CSAD: variants seen among roughly 807,000 people sequenced by gnomAD.
CSAD encodes P-selectin cytoplasmic tail-associated protein.
CSAD carries 47 observed loss-of-function variants against 61.5 expected under a neutral mutation model. That is an observed-to-expected ratio of 0.76 (90% CI 0.60 to 0.97). The LOEUF is 0.97. CSAD is among the 50% of genes least tolerant of loss of function. The pLI, the probability that CSAD is intolerant of heterozygous loss-of-function variation, is 0.00. For synonymous variants in CSAD, 245 were observed against 252.7 expected, an observed-to-expected ratio of 0.97 and a Z score of 0.29; for missense variants, 611 against 643.6, an observed-to-expected ratio of 0.95 and a Z score of 0.55.
intron 2 of CSAD, among the ~76,000 whole-genome samples, chr12:53,176,364 C>T (rs1941104156): frequency 6.6e-6 from 1 of 150,938 alleles, no homozygotes. Flanking sequence ...GAGCCAAGAT[C>T]GCACCATTGC....
chr12:53,178,029 C>T, intron 2 of CSAD: 1 of 173,784 alleles, frequency 5.8e-6, no homozygotes, highest in Non-Finnish European at 1.3e-5. Context: ...TACTATTTTT[C>T]ACCCATTAAA....
rs1335268558 is a variant in CSAD, at chr12:53,171,415, C to T, written c.478G>A (p.Val160Ile). The change falls in exon 8 of 17, where the codon GTA becomes ATA. Residue 160 changes from valine (V) to isoleucine (I), a missense_variant. Coordinates refer to ENST00000444623, the MANE Select transcript of CSAD (RefSeq NM_001244705.2). ...TAGCGCTGATAGCGGGCCAGATTTA[C>T]AGCATACATGTTGGAGATGGAGCCA... The part of the protein sequence containing the change: ...PGGSISNMYA[V>I]NLARYQRYPD... The T allele has an allele frequency of 6.2e-7, 1 of 1,613,892 alleles. No individual in the cohort carries two copies. The highest frequency in any genetic ancestry group is 8.5e-7 in the Non-Finnish European group (1 of 1,180,010).
At chr12:53,159,064 T>C (rs1382756573) in intron 16 of CSAD, among the ~76,000 whole-genome samples, 1 of 152,210 alleles carries the variant, frequency 6.6e-6, no homozygotes, top group Non-Finnish European at 1.5e-5. Context: ...TTTTTGATAA[T>C]ATTAATCTGT....
intron 2 of CSAD, chr12:53,178,334 A>C (rs1055243940): frequency 5.3e-5 from 24 of 453,524 alleles, no homozygotes; most frequent in East Asian, 2.1e-4. Flanking sequence ...CAAAAAAAAA[A>C]CTACAAAATT....
At position 53,171,829 on chromosome 12, in the gene CSAD, G is replaced by A. The variant is rs746090927; in HGVS notation, c.451+53C>T. On this transcript the variant is annotated intron_variant, in intron 7 of 16. Transcript: ENST00000444623. ...GACACTAGAGCAAGAGAACGGTGGG[G>A]GAGGAGGAACTCATAAAAAGGGCAA... 7 of 1,147,000 alleles carry A rather than the reference G, an allele frequency of 6.1e-6. No homozygotes were observed. The Admixed American group carries it at 1.1e-4, about 17-fold the overall frequency. 71.1% of individuals were successfully genotyped at this position (1,147,000 alleles called of 1,614,324 possible).
intron 2 of CSAD, among the ~76,000 whole-genome samples, chr12:53,174,822 G>T (rs1305731460): frequency 6.6e-6 from 1 of 152,066 alleles, no homozygotes; most frequent in East Asian, 1.9e-4. Context: ...AGGAATTAAG[G>T]GGGTACAAGA....
In CSAD at chr12:53,170,129, G is replaced by A; in HGVS notation, c.648-3C>T. 6.2e-7 allele frequency: 1 copy of A among 1,613,792 alleles called. No individual in the cohort carries two copies. The highest frequency in any genetic ancestry group is 8.5e-7 in the Non-Finnish European group (1 of 1,179,844). On this transcript the variant is annotated splice_polypyrimidine_tract_variant and splice_region_variant and intron_variant, in intron 9 of 16. Transcript: ENST00000444623. ...GATCCTCGGGGACCATTTTCCCTCT[G>A]AAAAAGAAAATGCAGAGGGTAGAGC...
At chr12:53,172,089 G>T in intron 6 of CSAD, 101 bp from the exon 7 acceptor site, 1 of 837,830 alleles carries the variant, frequency 1.2e-6, no homozygotes. Flanking sequence ...AGTGAAGAGT[G>T]AGCAAAGCAA....
chr12:53,160,946 C>T, intron 12 of CSAD, 102 bp from the exon 13 acceptor site: 1 of 1,206,836 alleles, frequency 8.3e-7, no homozygotes, highest in Non-Finnish European at 1.2e-6. Context: ...GCTTTGGTCT[C>T]ACCCTCACCC....
At position 53,172,008 on chromosome 12, in the gene CSAD, C is replaced by A. The variant is rs899444360; in HGVS notation, c.345-20G>T. 1.9e-5 allele frequency: 30 copies of A among 1,577,318 alleles called. No individual in the cohort carries two copies. The highest frequency in any genetic ancestry group is 2.7e-5 in the African/African-American group (2 of 74,032). On this transcript the variant is annotated intron_variant, in intron 6 of 16. Transcript: ENST00000444623. Reference sequence around the variant, plus strand: ...GTGTACCTGCCAGGAGAGAGAACGACGAGAAAGGAGAGATGGGGAGGGACT... The same window carrying A: ...GTGTACCTGCCAGGAGAGAGAACGAAGAGAAAGGAGAGATGGGGAGGGACT...
At chr12:53,166,664 G>A (rs1473947194) in intron 10 of CSAD, among the ~76,000 whole-genome samples, 3 of 151,032 alleles carry the variant, frequency 2.0e-5, no homozygotes, top group South Asian at 4.2e-4. Context: ...GTTTGGTGGC[G>A]AGGGGCCTGT....
intron 1 of CSAD, chr12:53,180,349 T>C (rs565131361): frequency 1.0e-6 from 1 of 985,220 alleles, no homozygotes; most frequent in East Asian, 1.1e-4. Context: ...GGGCAGGACG[T>C]CCGCGAGGAA....
intron 1 of CSAD, among the ~76,000 whole-genome samples, chr12:53,179,453 T>A (rs545185727): frequency 6.6e-6 from 1 of 152,302 alleles, no homozygotes; most frequent in South Asian, 2.1e-4. Flanking sequence ...AGGGGGAGAA[T>A]AACCATTTTG....
At position 53,180,901 on chromosome 12, in the gene CSAD, A is replaced by G. The variant is rs1210745131; in HGVS notation, c.-260T>C. On this transcript the variant is annotated 5_prime_UTR_variant, in exon 1 of 17. Coordinates refer to ENST00000444623, the MANE Select transcript of CSAD (RefSeq NM_001244705.2). Reference sequence around the variant, plus strand: ...AGACGGCAGCGCTTCAGTAGCTCGCAAGCCGTGGGGTGCCGCGCGGGAAGG... The same window carrying G: ...AGACGGCAGCGCTTCAGTAGCTCGCGAGCCGTGGGGTGCCGCGCGGGAAGG... 1 of 1,139,176 alleles carries G rather than the reference A, an allele frequency of 8.8e-7. No individual in the cohort carries two copies. The highest frequency in any genetic ancestry group is 1.7e-5 in the African/African-American group (1 of 58,270). 70.6% of individuals were successfully genotyped at this position (1,139,176 alleles called of 1,614,324 possible).
intron 1 of CSAD, chr12:53,180,213 G>A: frequency 1.0e-6 from 1 of 985,400 alleles, no homozygotes; most frequent in Non-Finnish European, 1.2e-6. Flanking sequence ...TCTCCCAGCT[G>A]ACCCCAAAAT....
At chr12:53,172,842 G>T (rs562435157) in intron 4 of CSAD, among the ~76,000 whole-genome samples, 194 bp from the exon 5 acceptor site, 1 of 152,210 alleles carries the variant, frequency 6.6e-6, no homozygotes, top group Non-Finnish European at 1.5e-5. Context: ...AGGTACCCAG[G>T]GGGGCAGGGA....
intron 2 of CSAD, chr12:53,178,309 C>CAAAAAACA (rs1364127749): frequency 8.9e-6 from 4 of 450,354 alleles, no homozygotes; most frequent in African/African-American, 8.1e-5. Flanking sequence ...CCTGTCTCTA[C>CAAAAAACA]AAAAAACAAA....
intron 13 of CSAD, 90 bp from the exon 14 acceptor site, chr12:53,160,409 C>T: frequency 7.7e-7 from 1 of 1,304,122 alleles, no homozygotes; most frequent in Non-Finnish European, 1.1e-6. Flanking sequence ...GCTCAGGATA[C>T]CCTCTTCTTT....
chr12:53,171,475 G>A (rs1166400982), intron 7 of CSAD, 34 bp from the exon 8 acceptor site: 1 of 1,606,764 alleles, frequency 6.2e-7, no homozygotes, highest in Admixed American at 1.7e-5. Flanking sequence ...CAAGAGGAAG[G>A]AGCAGTGGGT....
Sources: gnomAD v4.1 joint callset for allele counts (sites outside exome capture counted in the v4.1 genomes callset) on GRCh38, gnomAD v4.1.1 for gene constraint, MANE v1.5 for transcripts, NCBI Gene and HGNC (gene_info 2026-07-23, HGNC 2026-07-21) for gene names.